The following ICA1 variants were observed in gnomAD, a reference collection of about 807,000 sequenced individuals.
ICA1 encodes 69 kDa islet cell autoantigen.
ICA1 carries 40 observed loss-of-function variants against 71.0 expected under a neutral mutation model. That is an observed-to-expected ratio of 0.56 (90% CI 0.44 to 0.73). The LOEUF is 0.73. ICA1 is among the 30% of genes least tolerant of loss of function. The pLI is 0.00. For missense variants in ICA1, 578 were observed against 576.5 expected (o/e 1.00, Z -0.03); for synonymous variants, 207 against 209.5 (o/e 0.99, Z 0.10).
chr7:8,190,943 T>C (rs1350225169), intron 6 of ICA1, among the ~76,000 whole-genome samples: 1 of 152,212 alleles, frequency 6.6e-6, no homozygotes, highest in Non-Finnish European at 1.5e-5. Context: ...ATTTAGCTTC[T>C]AAATTTTTAC....
intron 6 of ICA1, among the ~76,000 whole-genome samples, chr7:8,170,378 A>T (rs1234442921): frequency 3.3e-5 from 5 of 152,100 alleles, no homozygotes; most frequent in Non-Finnish European, 7.4e-5. Flanking sequence ...TTCTACAAAA[A>T]AGCCTTTGGG....
Position 8,244,227 on chromosome 7 carries a change from C to G in ICA1, c.-79-8222G>C, listed in dbSNP as rs1182836274. ...AAAACAGAGATATAGACCAATGGAACAGAACACAGAACTCAGAAATACACC... is the reference window on the plus strand; with the variant it reads ...AAAACAGAGATATAGACCAATGGAAGAGAACACAGAACTCAGAAATACACC... On this transcript the variant is annotated intron_variant, in intron 1 of 13. Transcript: ENST00000402384. Among the ~76,000 whole-genome samples, 12 of 152,270 alleles carry G rather than the reference C, an allele frequency of 7.9e-5. No individual in the cohort carries two copies. In the East Asian group the frequency reaches 2.1e-3, roughly 27 times the overall value.
At chr7:8,159,752 A>G (rs532178028) in intron 6 of ICA1, among the ~76,000 whole-genome samples, 2 of 152,284 alleles carry the variant, frequency 1.3e-5, no homozygotes, top group African/African-American at 4.8e-5. Flanking sequence ...AAAACAAAAT[A>G]TGAAGTTAAA....
chr7:8,133,138 A>T (rs1792095031), intron 12 of ICA1, among the ~76,000 whole-genome samples: 1 of 152,142 alleles, frequency 6.6e-6, no homozygotes, highest in Non-Finnish European at 1.5e-5. Flanking sequence ...CTATAAGAAG[A>T]GGAACAGAGA....
intron 12 of ICA1, among the ~76,000 whole-genome samples, chr7:8,136,671 G>A (rs2192346): frequency 0.76 from 114,994 of 152,100 alleles, 43,637 homozygotes; most frequent in East Asian, 0.94. Flanking sequence ...ATGTGACATT[G>A]ACTTTAACTG....
At chr7:8,163,731 G>A (rs886686999) in intron 6 of ICA1, among the ~76,000 whole-genome samples, 3 of 152,322 alleles carry the variant, frequency 2.0e-5, no homozygotes, top group African/African-American at 7.2e-5. Context: ...CAAGGGTTGT[G>A]GGGTGGAGGA....
At chr7:8,221,543 C>T (rs1315765095) in intron 4 of ICA1, 145 bp from the exon 5 acceptor site, 2 of 821,996 alleles carry the variant, frequency 2.4e-6, no homozygotes, top group Non-Finnish European at 3.8e-6. Context: ...ACAGGGTAAG[C>T]TCCCCCTACC....
At chr7:8,210,686 A>G (rs1438213445) in intron 6 of ICA1, among the ~76,000 whole-genome samples, 1 of 152,120 alleles carries the variant, frequency 6.6e-6, no homozygotes, top group Non-Finnish European at 1.5e-5. Context: ...GGGTTGTCTA[A>G]CCATTATAGC....
At chr7:8,187,832 A>G (rs1002180232) in intron 6 of ICA1, among the ~76,000 whole-genome samples, 8 of 152,234 alleles carry the variant, frequency 5.3e-5, no homozygotes, top group Non-Finnish European at 1.0e-4. Flanking sequence ...AGTATCATCA[A>G]GATGTCACTA....
At chr7:8,193,199 A>G (rs146815282) in intron 6 of ICA1, among the ~76,000 whole-genome samples, 1 of 152,330 alleles carries the variant, frequency 6.6e-6, no homozygotes, top group African/African-American at 2.4e-5. Context: ...ACATACACAT[A>G]TATGTATTAT....
intron 9 of ICA1, among the ~76,000 whole-genome samples, chr7:8,143,125 G>T (rs1416685213): frequency 6.6e-6 from 1 of 152,064 alleles, no homozygotes; most frequent in Non-Finnish European, 1.5e-5. Context: ...TTCCTAGGTC[G>T]GCCAGTTCAA....
chr7:8,139,989 A>T (rs1238205436), intron 10 of ICA1, among the ~76,000 whole-genome samples: 1 of 152,240 alleles, frequency 6.6e-6, no homozygotes, highest in Non-Finnish European at 1.5e-5. Flanking sequence ...AAACAAGATG[A>T]TCGACATTTA....
chr7:8,198,415 A>G (rs1663000612), intron 6 of ICA1, among the ~76,000 whole-genome samples: 1 of 152,218 alleles, frequency 6.6e-6, no homozygotes, highest in Non-Finnish European at 1.5e-5. Flanking sequence ...CTAGATTTGG[A>G]CCAGAGTGAA....
At position 8,143,961 on chromosome 7, in the gene ICA1, G is replaced by C; in HGVS notation, c.816C>G (p.Asp272Glu). 1 of 1,584,076 alleles carries C rather than the reference G, an allele frequency of 6.3e-7. No homozygotes were observed. The highest frequency in any genetic ancestry group is 8.7e-7 in the Non-Finnish European group (1 of 1,153,964). ...YEFTTLKSLQ[D>E]PMKKLVEKEE... ...CTTTCTCAACTAATTTTTTCATAGGGTCTTGTAAGCTCTTGATCACGAGCC... is the reference window on the plus strand; with the variant it reads ...CTTTCTCAACTAATTTTTTCATAGGCTCTTGTAAGCTCTTGATCACGAGCC... The change falls in exon 9 of 14, where the codon GAC becomes GAG. Residue 272 changes from aspartate (D) to glutamate (E), a missense_variant. Transcript: ENST00000402384.
Position 8,114,006 on chromosome 7 carries a change from T to A in ICA1, c.1369A>T (p.Ser457Cys), listed in dbSNP as rs974184922. ...KAASDLTAWF[S>C]LFADLDPLSN... The stretch of plus-strand genomic sequence containing the variant: ...AGTGGGTCGAGGTCAGCGAAGAGGC[T>A]GAACCAGGCAGTCAGGTCTGAGGCA... The change falls in exon 14 of 14, where the codon AGC (serine) becomes TGC (cysteine). Residue 457 changes from serine to cysteine, a missense_variant. By Grantham distance (112) the Ser-to-Cys change is moderately radical. Coordinates refer to ENST00000402384, the MANE Select transcript of ICA1 (RefSeq NM_001136020.3). 1.2e-5 allele frequency: 20 copies of A among 1,614,040 alleles called. No individual in the cohort carries two copies. The highest frequency in any genetic ancestry group is 1.5e-5 in the Non-Finnish European group (18 of 1,180,020).
At chr7:8,208,036 T>G (rs117747030) in intron 6 of ICA1, among the ~76,000 whole-genome samples, 1 of 152,206 alleles carries the variant, frequency 6.6e-6, no homozygotes, top group Non-Finnish European at 1.5e-5. Context: ...ACAAAAATAA[T>G]TCAATCATTA....
chr7:8,115,335 G>T (rs1370765527), intron 13 of ICA1, among the ~76,000 whole-genome samples: 2 of 152,182 alleles, frequency 1.3e-5, no homozygotes, highest in African/African-American at 4.8e-5. Flanking sequence ...AGAGCTCACT[G>T]TAGCTTAGTT....
At chr7:8,206,326 A>C (rs1157777529) in intron 6 of ICA1, among the ~76,000 whole-genome samples, 2 of 152,020 alleles carry the variant, frequency 1.3e-5, no homozygotes, top group Non-Finnish European at 2.9e-5. Flanking sequence ...TTCGAAAATG[A>C]CTTCATCCTC....
At chr7:8,140,330 G>C (rs757733566) in intron 10 of ICA1, among the ~76,000 whole-genome samples, 19 of 152,168 alleles carry the variant, frequency 1.2e-4, no homozygotes, top group Non-Finnish European at 2.5e-4. Context: ...TCCCCCTCAT[G>C]CTCTGGAGCA....
Sources: gnomAD v4.1 joint callset for allele counts (sites outside exome capture counted in the v4.1 genomes callset) on GRCh38, gnomAD v4.1.1 for gene constraint, MANE v1.5 for transcripts, NCBI Gene and HGNC (gene_info 2026-07-23, HGNC 2026-07-21) for gene names.